Variants in SH3KBP1 observed in about 807,000 individuals in gnomAD.
The protein encoded by SH3KBP1 is SH3 domain containing kinase binding protein 1, also known as SH3 domain-containing kinase-binding protein 1.
In SH3KBP1, 8 loss-of-function variants were observed where a neutral mutation model predicts 50.1. The ratio of observed to expected loss-of-function variants is 0.16; its 90% CI spans 0.09 to 0.29. SH3KBP1 has a LOEUF of 0.29. SH3KBP1 is among the 10% of genes least tolerant of loss of function. SH3KBP1 has a pLI of 1.00. For synonymous variants in SH3KBP1, 227 were observed against 218.6 expected, an observed-to-expected ratio of 1.04 and a Z score of -0.34; for missense variants, 377 against 535.2, an observed-to-expected ratio of 0.70 and a Z score of 2.92.
chrX:19,598,111 T>C (rs1038472778), intron 9 of SH3KBP1, among the ~76,000 whole-genome samples: 6 of 112,476 alleles, frequency 5.3e-5, no homozygotes, highest in Non-Finnish European at 7.5e-5. Context: ...TCAGCCTTCA[T>C]AGACTTGAAT....
intron 1 of SH3KBP1, among the ~76,000 whole-genome samples, chrX:19,878,472 T>TTGTGTGTGTGTGTGTGTG (rs56786885): frequency 5.6e-4 from 41 of 73,028 alleles, no homozygotes; most frequent in African/African-American, 2.5e-3. Flanking sequence ...CCTGGCTAAT[T>TTGTGTGTGTGTGTGTGTG]TGTGTGTGTG....
At chrX:19,829,523 C>T (rs2067797051) in intron 2 of SH3KBP1, among the ~76,000 whole-genome samples, 1 of 108,272 alleles carries the variant, frequency 9.2e-6, no homozygotes, top group Non-Finnish European at 1.9e-5. Context: ...CCGAGGCAGG[C>T]GGATCACAAG....
rs1241646594 is a variant in SH3KBP1, at chrX:19,728,983, G to T, written c.286+17335C>A. Among the ~76,000 whole-genome samples, 3 of 112,610 alleles carry T rather than the reference G, an allele frequency of 2.7e-5. No homozygotes were observed. In the Admixed American group the frequency reaches 2.8e-4, roughly 11 times the overall value. ...TTCCCAACATTGATAATGGCTGATA[G>T]AGCTGAGAATTATTCAGATGAAGAT... On this transcript the variant is annotated intron_variant, in intron 3 of 17. Coordinates refer to ENST00000397821, the MANE Select transcript of SH3KBP1 (RefSeq NM_031892.3).
intron 13 of SH3KBP1, among the ~76,000 whole-genome samples, chrX:19,563,158 G>C (rs1330078069): frequency 2.7e-5 from 3 of 112,195 alleles, no homozygotes; most frequent in Non-Finnish European, 5.6e-5. Flanking sequence ...CCCTGTGCAA[G>C]GTGCACAGGC....
At chrX:19,600,587 G>A (rs2067057931) in intron 9 of SH3KBP1, among the ~76,000 whole-genome samples, 1 of 111,164 alleles carries the variant, frequency 9.0e-6, no homozygotes, top group South Asian at 3.8e-4. Context: ...CATTGTGACT[G>A]GATAAAGAAA....
chrX:19,586,627 A>G (rs1453539449), intron 12 of SH3KBP1, among the ~76,000 whole-genome samples: 3 of 111,720 alleles, frequency 2.7e-5, no homozygotes. Context: ...AGGGTGGAAC[A>G]TGGAGAGGCC....
At chrX:19,670,855 G>T (rs199881320) in intron 6 of SH3KBP1, 197 of 928,809 alleles carry the variant, frequency 2.1e-4, no homozygotes, top group African/African-American at 7.2e-4. Flanking sequence ...AAAAAAAAAA[G>T]AAATACCTCT....
At chrX:19,878,950 T>TA (rs759452063) in intron 1 of SH3KBP1, among the ~76,000 whole-genome samples, 50 of 112,150 alleles carry the variant, frequency 4.5e-4, no homozygotes, top group Admixed American at 1.4e-3. Context: ...TAAATCTGTT[T>TA]AAAAAAAACT....
intron 9 of SH3KBP1, among the ~76,000 whole-genome samples, chrX:19,597,006 T>A (rs1193206962): frequency 8.9e-6 from 1 of 112,148 alleles, no homozygotes; most frequent in African/African-American, 3.2e-5. Context: ...ATCAAAAATA[T>A]TCTTACTGGT....
chrX:19,559,274 C>CAAAAA lies in SH3KBP1; in HGVS notation c.1385-9196_1385-9192dup, dbSNP rs369794445. Among the ~76,000 whole-genome samples the CAAAAA allele has an allele frequency of 2.2e-3, 19 of 8,602 alleles. 1 individual carries two copies. Among genetic ancestry groups the CAAAAA allele is most frequent in the Admixed American group, 4.9e-3 (2 of 410 alleles). 7.5% of individuals were successfully genotyped at this position (8,602 alleles called of 115,157 possible). A position where few individuals can be genotyped will look rare whatever the true frequency, so the allele number is the denominator to read the frequency against. The stretch of plus-strand genomic sequence containing the variant: ...GTGACAGAGTGAGACTCTGTCTCAC[C>CAAAAA]AAAAAAAAAAAAAAAAAAAAAAAAA... On this transcript the variant is annotated intron_variant, in intron 13 of 17. Transcript: ENST00000397821.
At chrX:19,774,062 C>T (rs1265519544) in intron 2 of SH3KBP1, among the ~76,000 whole-genome samples, 4 of 109,478 alleles carry the variant, frequency 3.7e-5, no homozygotes, top group African/African-American at 1.0e-4. Flanking sequence ...GCAAATGTTA[C>T]ATGGCTTGAA....
chrX:19,804,885 C>CT (rs59313113), intron 2 of SH3KBP1, among the ~76,000 whole-genome samples: 2 of 64,722 alleles, frequency 3.1e-5, no homozygotes, highest in Admixed American at 1.7e-4. Context: ...AAACCCTACC[C>CT]CCCCCCCCCC....
intron 6 of SH3KBP1, among the ~76,000 whole-genome samples, chrX:19,671,823 G>T (rs2148540345): frequency 8.9e-6 from 1 of 112,217 alleles, no homozygotes; most frequent in South Asian, 3.7e-4. Flanking sequence ...TATCATATTA[G>T]CCACAATTAC....
chrX:19,652,430 G>C (rs1226652736), intron 6 of SH3KBP1, among the ~76,000 whole-genome samples: 1 of 111,130 alleles, frequency 9.0e-6, no homozygotes, highest in Non-Finnish European at 1.9e-5. Context: ...TATCTATTAT[G>C]ATCAAAAGAC....
intron 5 of SH3KBP1, among the ~76,000 whole-genome samples, chrX:19,690,272 G>A (rs948417162): frequency 1.1e-4 from 12 of 110,001 alleles, no homozygotes; most frequent in African/African-American, 6.6e-5. Context: ...TGCCTAGGCC[G>A]GTCTCAAACT....
intron 2 of SH3KBP1, among the ~76,000 whole-genome samples, chrX:19,812,280 T>G (rs1487452993): frequency 9.0e-6 from 1 of 111,100 alleles, no homozygotes; most frequent in South Asian, 3.7e-4. Flanking sequence ...AATAACTGTG[T>G]GTTTGTGTGA....
chrX:19,545,353 T>A (rs2065054402), intron 15 of SH3KBP1, among the ~76,000 whole-genome samples: 1 of 112,461 alleles, frequency 8.9e-6, no homozygotes, highest in African/African-American at 3.2e-5. Context: ...TTAAATGTCT[T>A]CCTTGTTTCT....
intron 1 of SH3KBP1, among the ~76,000 whole-genome samples, chrX:19,875,516 T>C (rs1360652188): frequency 8.9e-6 from 1 of 111,882 alleles, no homozygotes; most frequent in Non-Finnish European, 1.9e-5. Context: ...TCACTGAGAG[T>C]GCCTGGCCCG....
At chrX:19,588,315 G>A in intron 12 of SH3KBP1, 2 of 1,062,996 alleles carry the variant, frequency 1.9e-6, no homozygotes, top group Non-Finnish European at 2.4e-6. Flanking sequence ...CACGCCACCT[G>A]CATTTCCAGG....
Sources: gnomAD v4.1 joint callset for allele counts (sites outside exome capture counted in the v4.1 genomes callset) on GRCh38, gnomAD v4.1.1 for gene constraint, MANE v1.5 for transcripts, NCBI Gene and HGNC (gene_info 2026-07-23, HGNC 2026-07-21) for gene names.